ZC3H6: variants seen among roughly 807,000 people sequenced by gnomAD.
The protein encoded by ZC3H6 is zinc finger CCCH domain-containing protein 6.
ZC3H6 carries 40 observed loss-of-function variants against 107.7 expected under a neutral mutation model. That is an observed-to-expected ratio of 0.37 (90% CI 0.29 to 0.48). The LOEUF (loss-of-function observed/expected upper bound fraction) is 0.48, where lower values mean the gene tolerates loss of function less well. Ranked by LOEUF, ZC3H6 falls within the 20% of genes least tolerant of loss-of-function variation. ZC3H6 has a pLI of 0.98. For synonymous variants in ZC3H6, 493 were observed against 487.9 expected (o/e 1.01, Z -0.14); for missense variants, 1,267 against 1,410.4 (o/e 0.90, Z 1.63).
Position 112,324,307 on chromosome 2 carries a change from CT to C in ZC3H6, c.1497del (p.Gly500AspfsTer27). Reference sequence around the variant, plus strand: ...AGTCCTGTGATGCACCCAGGCTCCCCTGGACATCACCCATGTGCAGGACCTC... The same window carrying C: ...AGTCCTGTGATGCACCCAGGCTCCCCGGACATCACCCATGTGCAGGACCTC... ...HSSPVMHPGS[P>X]GHHPCAGPPG... On this transcript the variant is annotated frameshift_variant, in exon 10 of 12. Transcript: ENST00000409871. LOFTEE classifies it high-confidence loss of function. 6.2e-7 allele frequency: 1 copy of C among 1,614,002 alleles called. No individual in the cohort carries two copies. The highest frequency in any genetic ancestry group is 8.5e-7 in the Non-Finnish European group (1 of 1,179,880).
chr2:112,303,361 T>C lies in ZC3H6; in HGVS notation c.336+10T>C. The C allele has an allele frequency of 6.2e-7, 1 of 1,605,386 alleles. No individual in the cohort carries two copies. The highest frequency in any genetic ancestry group is 8.5e-7 in the Non-Finnish European group (1 of 1,174,504). Reference sequence around the variant, plus strand: ...CATTCCATTTACTCAGGTATTGCCATTTTTTTGTTTTGTGATAAAACATAG... The same window carrying C: ...CATTCCATTTACTCAGGTATTGCCACTTTTTTGTTTTGTGATAAAACATAG... On this transcript the variant is annotated intron_variant, in intron 3 of 11. Coordinates refer to ENST00000409871, the MANE Select transcript of ZC3H6 (RefSeq NM_198581.3).
chr2:112,310,007 T>G lies in ZC3H6; in HGVS notation c.459T>G (p.Asp153Glu). 6.2e-7 allele frequency: 1 copy of G among 1,613,686 alleles called. No homozygotes were observed. The highest frequency in any genetic ancestry group is 8.5e-7 in the Non-Finnish European group (1 of 1,179,766). Residue 153 changes from aspartate to glutamate, a missense_variant, in exon 4 of 12, where the codon GAT (aspartate) becomes GAG (glutamate). Physicochemically the swap from Asp to Glu is conservative, Grantham distance 45 (BLOSUM62 2). Coordinates refer to ENST00000409871, the MANE Select transcript of ZC3H6 (RefSeq NM_198581.3). Reference protein sequence around the residue: ...YSDDNFGNYSDDNFGNYGQET... With the variant: ...YSDDNFGNYSEDNFGNYGQET... ...ATGACAACTTCGGTAACTACAGTGA[T>G]GACAACTTTGGTAACTACGGTCAGG...
intron 1 of ZC3H6, among the ~76,000 whole-genome samples, chr2:112,292,151 G>A (rs1160580469): frequency 1.3e-5 from 2 of 152,220 alleles, no homozygotes; most frequent in Admixed American, 1.3e-4. Context: ...GGATATGAAT[G>A]TTAAGCTCAG....
chr2:112,311,961 A>G (rs1676603368), intron 5 of ZC3H6, 24 bp downstream of exon 5: 1 of 1,565,326 alleles, frequency 6.4e-7, no homozygotes, highest in Non-Finnish European at 8.7e-7. Context: ...ATGTATAAGG[A>G]GGGGAGGAGC....
intron 4 of ZC3H6, among the ~76,000 whole-genome samples, 163 bp downstream of exon 4, chr2:112,310,324 A>G (rs1676571295): frequency 1.3e-5 from 2 of 152,254 alleles, no homozygotes; most frequent in Admixed American, 6.5e-5. Context: ...CAGAATCTAC[A>G]AATATTTCAA....
rs1558961173 is a variant in ZC3H6, at chr2:112,338,860, TATATATATATATATATATATATA to T, written c.*6373_*6395del. The T allele has an allele frequency of 0.01, 29 of 2,856 alleles. No individual in the cohort carries two copies. Among genetic ancestry groups the T allele is most frequent in the Non-Finnish European group, 8.5e-3 (18 of 2,106 alleles). 0.2% of individuals were successfully genotyped at this position (2,856 alleles called of 1,614,324 possible). A position where few individuals can be genotyped will look rare whatever the true frequency, so the allele number is the denominator to read the frequency against. ...ATATATGTATGTATATGTGTGTATA[TATATATATATATATATATATATA>T]TATATATATATATATATATATATAT... On this transcript the variant is annotated 3_prime_UTR_variant, in exon 12 of 12. Transcript: ENST00000409871.
chr2:112,276,034 A>G lies in ZC3H6; in HGVS notation c.32+8A>G, dbSNP rs575345489. On this transcript the variant is annotated splice_region_variant and intron_variant, in intron 1 of 11. Coordinates refer to ENST00000409871, the MANE Select transcript of ZC3H6 (RefSeq NM_198581.3). Reference sequence around the variant, plus strand: ...ACATGCAGGGCACGACAGGTCGGGAACCCTTCTTGTCTGTCTTTCTGTCGG... The same window carrying G: ...ACATGCAGGGCACGACAGGTCGGGAGCCCTTCTTGTCTGTCTTTCTGTCGG... 1.9e-6 allele frequency: 3 copies of G among 1,540,720 alleles called. No individual in the cohort carries two copies. Among genetic ancestry groups the G allele is most frequent in the African/African-American group, 2.8e-5 (2 of 71,208 alleles).
Position 112,329,151 on chromosome 2 carries a change from T to G in ZC3H6, c.2087-1854T>G, listed in dbSNP as rs531326968. Reference sequence around the variant, plus strand: ...TTAATTTTTATGGATTTTAATGCTTTTATGCATTTTATCTCTGCTTTGATA... The same window carrying G: ...TTAATTTTTATGGATTTTAATGCTTGTATGCATTTTATCTCTGCTTTGATA... On this transcript the variant is annotated intron_variant, in intron 11 of 11. Coordinates refer to ENST00000409871, the MANE Select transcript of ZC3H6 (RefSeq NM_198581.3). Among the ~76,000 whole-genome samples the G allele has an allele frequency of 5.3e-5, 8 of 152,264 alleles. No individual in the cohort carries two copies. The South Asian group carries it at 1.7e-3, about 32-fold the overall frequency.
At position 112,337,682 on chromosome 2, in the gene ZC3H6, C is replaced by T. The variant is rs115979208; in HGVS notation, c.*5194C>T. 0.016 allele frequency: 2,506 copies of T among 152,264 alleles called. 71 individuals are homozygous for T. The highest frequency in any genetic ancestry group is 0.057 in the African/African-American group (2,350 of 41,486). 9.4% of individuals were successfully genotyped at this position (152,264 alleles called of 1,614,324 possible). On this transcript the variant is annotated 3_prime_UTR_variant, in exon 12 of 12. Coordinates refer to ENST00000409871, the MANE Select transcript of ZC3H6 (RefSeq NM_198581.3). Reference sequence around the variant, plus strand: ...TGTCGCTCAGGCTGAAGTGCAGTGGCGCTATCAGCTCACAGCAGCCTCCGC... The same window carrying T: ...TGTCGCTCAGGCTGAAGTGCAGTGGTGCTATCAGCTCACAGCAGCCTCCGC...
At chr2:112,328,078 G>A (rs1008008645) in intron 11 of ZC3H6, among the ~76,000 whole-genome samples, 2 of 152,048 alleles carry the variant, frequency 1.3e-5, no homozygotes, top group Non-Finnish European at 2.9e-5. Flanking sequence ...TTTTAGTAGA[G>A]ACACGGTTTT....
At chr2:112,300,111 A>G in intron 2 of ZC3H6, 82 bp downstream of exon 2, 1 of 951,554 alleles carries the variant, frequency 1.1e-6, no homozygotes, top group Non-Finnish European at 1.4e-6. Flanking sequence ...AGAAGTCATT[A>G]TTTTATTATA....
At chr2:112,324,041 A>G in intron 9 of ZC3H6, 111 bp from the exon 10 acceptor site, 2 of 1,201,136 alleles carry the variant, frequency 1.7e-6, no homozygotes, top group South Asian at 1.7e-5. Flanking sequence ...AACACACAGT[A>G]TTCTATTCTG....
chr2:112,331,785 CA>C lies in ZC3H6; in HGVS notation c.2868del (p.Gly957GlufsTer4). The C allele has an allele frequency of 1.9e-6, 3 of 1,613,756 alleles. No homozygotes were observed. Among genetic ancestry groups the C allele is most frequent in the Non-Finnish European group, 2.5e-6 (3 of 1,179,850 alleles). On this transcript the variant is annotated frameshift_variant, in exon 12 of 12. Transcript: ENST00000409871. LOFTEE classifies it high-confidence loss of function. ...YLEQFGDSHGSGAKLGDPRLQ... is the reference protein window; with the variant it reads ...YLEQFGDSHGXGAKLGDPRLQ... ...GAACAATTTGGAGACTCACACGGTTCAGGAGCTAAATTAGGAGATCCTAGAC... is the reference window on the plus strand; with the variant it reads ...GAACAATTTGGAGACTCACACGGTTCGGAGCTAAATTAGGAGATCCTAGAC...
At chr2:112,300,150 T>A (rs1355527254) in intron 2 of ZC3H6, 121 bp downstream of exon 2, 1 of 649,142 alleles carries the variant, frequency 1.5e-6, no homozygotes, top group Middle Eastern at 4.8e-4. Context: ...TTTTCATTTA[T>A]GTGATTAAAC....
intron 1 of ZC3H6, among the ~76,000 whole-genome samples, chr2:112,296,994 G>A (rs1483142549): frequency 6.6e-6 from 1 of 152,152 alleles, no homozygotes; most frequent in Non-Finnish European, 1.5e-5. Context: ...ATACTGAATT[G>A]GAATTAGCCA....
intron 1 of ZC3H6, among the ~76,000 whole-genome samples, chr2:112,278,689 A>G (rs1454445294): frequency 1.3e-5 from 2 of 152,270 alleles, no homozygotes; most frequent in African/African-American, 2.4e-5. Flanking sequence ...AATGAAGCCT[A>G]TGATTTATAT....
intron 3 of ZC3H6, among the ~76,000 whole-genome samples, chr2:112,303,702 G>A (rs1230978186): frequency 6.6e-6 from 1 of 152,138 alleles, no homozygotes; most frequent in African/African-American, 2.4e-5. Flanking sequence ...CACCCAAGCT[G>A]TAGCATGTGT....
intron 5 of ZC3H6, among the ~76,000 whole-genome samples, chr2:112,313,016 A>G (rs1676621540): frequency 6.6e-6 from 1 of 152,122 alleles, no homozygotes; most frequent in Admixed American, 6.6e-5. Context: ...GTTTCAGGAG[A>G]TGTTAACAGG....
At chr2:112,301,926 A>C in intron 2 of ZC3H6, among the ~76,000 whole-genome samples, 1 of 152,016 alleles carries the variant, frequency 6.6e-6, no homozygotes, top group East Asian at 1.9e-4. Context: ...AAGGAAATTC[A>C]AATCATAAGA....
Sources: allele counts gnomAD v4.1 joint callset (sites outside exome capture counted in the v4.1 genomes callset), GRCh38; gene constraint gnomAD v4.1.1; transcripts MANE v1.5; gene names NCBI Gene and HGNC (gene_info 2026-07-23, HGNC 2026-07-21).